PTPRO: variants seen among roughly 807,000 people sequenced by gnomAD.
The protein encoded by PTPRO is receptor-type tyrosine-protein phosphatase O.
Under a neutral mutation model 145.2 loss-of-function variants are expected in PTPRO, and 62 were observed. That is an observed-to-expected ratio of 0.43 (90% CI 0.35 to 0.53). The LOEUF (loss-of-function observed/expected upper bound fraction) is 0.53, where lower values mean the gene tolerates loss of function less well. PTPRO is among the 20% of genes least tolerant of loss of function. The pLI is 0.01. For missense variants in PTPRO, 1,345 were observed against 1,482.7 expected, an observed-to-expected ratio of 0.91 and a Z score of 1.53; for synonymous variants, 565 against 514.7, an observed-to-expected ratio of 1.10 and a Z score of -1.32.
intron 1 of PTPRO, among the ~76,000 whole-genome samples, chr12:15,466,128 A>AT (rs940589683): frequency 2.0e-5 from 3 of 152,132 alleles, no homozygotes; most frequent in African/African-American, 7.2e-5. Context: ...TAACAAGCTG[A>AT]TTTTTTTAAT....
intron 1 of PTPRO, among the ~76,000 whole-genome samples, chr12:15,375,776 A>AG (rs1340703241): frequency 1.3e-5 from 2 of 151,792 alleles, no homozygotes; most frequent in African/African-American, 4.8e-5. Context: ...AAAAAAAAAA[A>AG]AAAGGAAACA....
At chr12:15,472,060 T>C (rs1167302672) in intron 1 of PTPRO, among the ~76,000 whole-genome samples, 1 of 152,246 alleles carries the variant, frequency 6.6e-6, no homozygotes, top group Non-Finnish European at 1.5e-5. Flanking sequence ...CCAAACATCA[T>C]TAATATTACT....
At chr12:15,487,715 G>C (rs1941919340) in intron 2 of PTPRO, among the ~76,000 whole-genome samples, 1 of 152,146 alleles carries the variant, frequency 6.6e-6, no homozygotes, top group Admixed American at 6.5e-5. Context: ...GTGTCTCCCA[G>C]TTAGTCTAGA....
chr12:15,521,373 G>A (rs1026022585), intron 10 of PTPRO, among the ~76,000 whole-genome samples: 2 of 152,128 alleles, frequency 1.3e-5, no homozygotes, highest in African/African-American at 2.4e-5. Flanking sequence ...AAAACTGAAA[G>A]AATACCCAAA....
At chr12:15,482,144 GGTGTGT>G (rs57202820) in intron 1 of PTPRO, among the ~76,000 whole-genome samples, 2,349 of 148,304 alleles carry the variant, frequency 0.016, 80 homozygotes, top group East Asian at 0.14. Flanking sequence ...AAGAAAATAT[GGTGTGT>G]GTGTGTGTGT....
intron 1 of PTPRO, among the ~76,000 whole-genome samples, chr12:15,462,935 G>A (rs1375770433): frequency 6.6e-6 from 1 of 152,034 alleles, no homozygotes; most frequent in Non-Finnish European, 1.5e-5. Flanking sequence ...AATGCATCAG[G>A]TTAATAGTAT....
intron 1 of PTPRO, among the ~76,000 whole-genome samples, chr12:15,462,522 A>G (rs1941328399): frequency 6.6e-6 from 1 of 152,148 alleles, no homozygotes; most frequent in Non-Finnish European, 1.5e-5. Flanking sequence ...GTTGCTTCTT[A>G]CTGTTATTGC....
At position 15,504,066 on chromosome 12, in the gene PTPRO, A is replaced by G. The variant is rs1175144386; in HGVS notation, c.1264A>G (p.Ile422Val). The G allele has an allele frequency of 3.1e-6, 5 of 1,609,724 alleles. No homozygotes were observed. In the Admixed American group the frequency reaches 5.0e-5, roughly 16 times the overall value. Residue 422 changes from isoleucine (I) to valine (V), a missense_variant, in exon 6 of 27, where the codon ATC becomes GTC. Physicochemically the swap from Ile to Val is conservative, Grantham distance 29. Around this residue, in one of 3 missense-constraint regions of PTPRO, gnomAD observed 1,130 missense variants for 1,214.7 expected, o/e 0.93. Transcript: ENST00000281171. Reference sequence around the variant, plus strand: ...GTCAGCAAAATCACTCAGCTTTTATATCAGTAAGTAACAAAGAGATCATTT... The same window carrying G: ...GTCAGCAAAATCACTCAGCTTTTATGTCAGTAAGTAACAAAGAGATCATTT... Reference protein sequence around the residue: ...SQSAKSLSFYISPSGEWIEEL... With the variant: ...SQSAKSLSFYVSPSGEWIEEL...
chr12:15,492,038 C>T (rs996967434), intron 2 of PTPRO, among the ~76,000 whole-genome samples: 2 of 152,190 alleles, frequency 1.3e-5, no homozygotes, highest in African/African-American at 4.8e-5. Flanking sequence ...AGGCTAGTTA[C>T]TCTCTGACTC....
At chr12:15,452,534 G>A (rs181906322) in intron 1 of PTPRO, among the ~76,000 whole-genome samples, 3 of 152,030 alleles carry the variant, frequency 2.0e-5, no homozygotes, top group Admixed American at 6.6e-5. Flanking sequence ...GGGAAAGGAC[G>A]TGACAGAAAA....
At chr12:15,561,515 A>C (rs1010035188) in intron 17 of PTPRO, among the ~76,000 whole-genome samples, 3 of 152,146 alleles carry the variant, frequency 2.0e-5, no homozygotes, top group African/African-American at 7.2e-5. Context: ...TGTAGGTAAT[A>C]AAGTCAGAGG....
chr12:15,382,504 C>T (rs950219714), intron 1 of PTPRO, among the ~76,000 whole-genome samples: 2 of 152,216 alleles, frequency 1.3e-5, no homozygotes, highest in Admixed American at 1.3e-4. Flanking sequence ...GACAGAATTT[C>T]TGTCAGAATT....
rs140345009 is a variant in PTPRO, at chr12:15,413,543, G to A, written c.76-70431G>A. Among the ~76,000 whole-genome samples the A allele has an allele frequency of 3.0e-4, 45 of 152,220 alleles. 1 individual carries two copies. The highest frequency in any genetic ancestry group is 1.0e-3 in the African/African-American group (42 of 41,514). On this transcript the variant is annotated intron_variant, in intron 1 of 26. Coordinates refer to ENST00000281171, the MANE Select transcript of PTPRO (RefSeq NM_030667.3). ...ATTTTAAAAGATGGAGGCCAGGCAC[G>A]GTGGCTCACTCCTGTAATCCCAGCA...
intron 19 of PTPRO, among the ~76,000 whole-genome samples, chr12:15,571,876 A>G (rs947449308): frequency 2.0e-5 from 3 of 152,332 alleles, no homozygotes; most frequent in African/African-American, 4.8e-5. Context: ...GAACCAAACC[A>G]TAAGCGATTA....
At position 15,430,115 on chromosome 12, in the gene PTPRO, C is replaced by A. The variant is rs535743363; in HGVS notation, c.76-53859C>A. Reference sequence around the variant, plus strand: ...AGTTAAACATGCAAATCTGGAACACCGAGAAAATAGCAAGCCTAGAGATAC... The same window carrying A: ...AGTTAAACATGCAAATCTGGAACACAGAGAAAATAGCAAGCCTAGAGATAC... On this transcript the variant is annotated intron_variant, in intron 1 of 26. Transcript: ENST00000281171. Among the ~76,000 whole-genome samples the A allele has an allele frequency of 9.9e-5, 15 of 151,650 alleles. No individual in the cohort carries two copies. In the South Asian group the frequency reaches 2.7e-3, roughly 27 times the overall value.
chr12:15,434,592 T>C (rs936571196), intron 1 of PTPRO, among the ~76,000 whole-genome samples: 3 of 152,228 alleles, frequency 2.0e-5, no homozygotes, highest in Non-Finnish European at 2.9e-5. Context: ...TTTTTTCCAA[T>C]GTATGTAGGT....
At chr12:15,562,106 C>T (rs945710850) in intron 17 of PTPRO, among the ~76,000 whole-genome samples, 1 of 152,114 alleles carries the variant, frequency 6.6e-6, no homozygotes, top group African/African-American at 2.4e-5. Flanking sequence ...GAGCTGCATG[C>T]TTTCTGTAAC....
chr12:15,501,708 A>G lies in PTPRO; in HGVS notation c.750A>G (p.Glu250=). The G allele has an allele frequency of 6.2e-7, 1 of 1,613,962 alleles. No individual in the cohort carries two copies. Among genetic ancestry groups the G allele is most frequent in the Non-Finnish European group, 8.5e-7 (1 of 1,179,872 alleles). Residue 250 remains glutamate (E), a synonymous_variant, in exon 5 of 27, where the codon GAA becomes GAG. Transcript: ENST00000281171. Reference sequence around the variant, plus strand: ...AACAGAGTGGCAATTTCCCAGAAGAATCCTTCATGAGATCACAAGATACAA... The same window carrying G: ...AACAGAGTGGCAATTTCCCAGAAGAGTCCTTCATGAGATCACAAGATACAA... ...WEEQSGNFPE[E]SFMRSQDTIG...
chr12:15,343,857 G>A (rs985861311), intron 1 of PTPRO, among the ~76,000 whole-genome samples: 3 of 152,046 alleles, frequency 2.0e-5, no homozygotes, highest in Admixed American at 6.6e-5. Flanking sequence ...CTAATTTTTT[G>A]TATTTTTTAG....
Sources: allele counts gnomAD v4.1 joint callset (sites outside exome capture counted in the v4.1 genomes callset), GRCh38; gene constraint gnomAD v4.1.1; regional missense constraint gnomAD v4.1.1; transcripts MANE v1.5; gene names NCBI Gene and HGNC (gene_info 2026-07-23, HGNC 2026-07-21).